Variants in EPHA6 observed in about 807,000 individuals in gnomAD.
EPHA6 encodes EPH receptor A6, also known as ephrin type-A receptor 6.
EPHA6 carries 50 observed loss-of-function variants against 112.0 expected under a neutral mutation model. That is an observed-to-expected ratio of 0.45 (90% CI 0.36 to 0.56). The LOEUF is 0.56. Among genes scored for constraint, EPHA6 ranks in the 20% least tolerant of loss-of-function variants. The probability of loss-of-function intolerance (pLI) is 0.00; values close to 1 mark genes in which losing one functional copy is unlikely to be tolerated. For missense variants in EPHA6, 1,280 were observed against 1,417.4 expected (o/e 0.90, Z 1.56); for synonymous variants, 529 against 490.7 (o/e 1.08, Z -1.03).
chr3:97,622,088 A>C (rs1015379255), intron 13 of EPHA6, among the ~76,000 whole-genome samples: 2 of 151,822 alleles, frequency 1.3e-5, no homozygotes, highest in Non-Finnish European at 1.5e-5. Flanking sequence ...TACCATCTTA[A>C]CCATTTTTAA....
At chr3:97,499,232 G>A (rs956768993) in intron 10 of EPHA6, among the ~76,000 whole-genome samples, 1 of 151,986 alleles carries the variant, frequency 6.6e-6, no homozygotes, top group African/African-American at 2.4e-5. Flanking sequence ...GTTACTTATT[G>A]ACTTTCTGTT....
At chr3:97,291,089 G>T (rs867565319) in intron 5 of EPHA6, among the ~76,000 whole-genome samples, 1 of 151,918 alleles carries the variant, frequency 6.6e-6, no homozygotes, top group Non-Finnish European at 1.5e-5. Flanking sequence ...CATTTGTTTC[G>T]AGATGCTTTT....
chr3:96,920,691 A>G (rs1271723085), intron 2 of EPHA6, among the ~76,000 whole-genome samples: 1 of 152,006 alleles, frequency 6.6e-6, no homozygotes, highest in Non-Finnish European at 1.5e-5. Context: ...TAATATGTAT[A>G]TACATTTTAG....
intron 3 of EPHA6, among the ~76,000 whole-genome samples, chr3:97,048,656 TG>T (rs1373996564): frequency 6.6e-6 from 1 of 152,210 alleles, no homozygotes; most frequent in Non-Finnish European, 1.5e-5. Context: ...TCATTAGATC[TG>T]TAATATTTGT....
intron 3 of EPHA6, among the ~76,000 whole-genome samples, chr3:97,117,674 A>AT (rs556015885): frequency 8.6e-5 from 13 of 151,788 alleles, no homozygotes; most frequent in African/African-American, 2.9e-4. Flanking sequence ...TCTTTGGTCT[A>AT]TATGTCTGTT....
In EPHA6 at chr3:97,752,006, A is replaced by T. The variant is rs2035914275; in HGVS notation, c.*3305A>T. On this transcript the variant is annotated 3_prime_UTR_variant, in exon 18 of 18. Coordinates refer to ENST00000389672, the MANE Select transcript of EPHA6 (RefSeq NM_001080448.3). Reference sequence around the variant, plus strand: ...AGAGATAAAGTATTTAAATCATTTTAAAAAGCAATCAAATTGCAAAATTTT... The same window carrying T: ...AGAGATAAAGTATTTAAATCATTTTTAAAAGCAATCAAATTGCAAAATTTT... Among the ~76,000 whole-genome samples, 1 of 152,194 alleles carries T rather than the reference A, an allele frequency of 6.6e-6. No homozygotes were observed. Among genetic ancestry groups the T allele is most frequent in the South Asian group, 2.1e-4 (1 of 4,830 alleles).
At chr3:97,138,118 G>A (rs1259062999) in intron 3 of EPHA6, among the ~76,000 whole-genome samples, 3 of 152,156 alleles carry the variant, frequency 2.0e-5, no homozygotes, top group African/African-American at 7.2e-5. Context: ...CCAAGGAGTA[G>A]GTGAGTGAAG....
chr3:97,021,080 C>T (rs1241918707), intron 3 of EPHA6, among the ~76,000 whole-genome samples: 1 of 152,114 alleles, frequency 6.6e-6, no homozygotes, highest in Non-Finnish European at 1.5e-5. Context: ...GCCAGAGTGG[C>T]CAAACAGGTA....
rs370983824 is a variant in EPHA6, at chr3:96,987,951, A to C, written c.1072A>C (p.Ile358Leu). 10 of 1,613,522 alleles carry C rather than the reference A, an allele frequency of 6.2e-6. No homozygotes were observed. Among genetic ancestry groups the C allele is most frequent in the Non-Finnish European group, 8.5e-6 (10 of 1,179,586 alleles). The change falls in exon 3 of 18, where the codon ATC (isoleucine) becomes CTC (leucine). Residue 358 changes from isoleucine (I) to leucine (L), a missense_variant. Coordinates refer to ENST00000389672, the MANE Select transcript of EPHA6 (RefSeq NM_001080448.3). ...TTGGCTGGTTCCTCTTGGAAGGTGC[A>C]TCTGCAGTACAGGATATGAAGAAAT... ...GDWLVPLGRCICSTGYEEIEG... is the reference protein window; with the variant it reads ...GDWLVPLGRCLCSTGYEEIEG...
intron 10 of EPHA6, among the ~76,000 whole-genome samples, chr3:97,500,485 C>T (rs1444451652): frequency 1.3e-5 from 2 of 152,060 alleles, no homozygotes; most frequent in East Asian, 1.9e-4. Flanking sequence ...TACTTGTAAA[C>T]GACCAGATCT....
At chr3:97,214,560 A>C (rs1229170645) in intron 3 of EPHA6, among the ~76,000 whole-genome samples, 4 of 151,474 alleles carry the variant, frequency 2.6e-5, no homozygotes, top group Non-Finnish European at 5.9e-5. Context: ...TTTAATATAT[A>C]TCTTTCTCTA....
rs537223680 is a variant in EPHA6, at chr3:97,758,947, C to T, written c.*10246C>T. On this transcript the variant is annotated 3_prime_UTR_variant, in exon 18 of 18. Transcript: ENST00000389672. ...GCTACTGGAGTAATTCCAGCAAAAA[C>T]GTGGTGGATTCACTACTTCAAGATT... Among the ~76,000 whole-genome samples, 5 of 151,982 alleles carry T rather than the reference C, an allele frequency of 3.3e-5. No individual in the cohort carries two copies. Among genetic ancestry groups the T allele is most frequent in the East Asian group, 1.9e-4 (1 of 5,174 alleles).
At chr3:97,278,135 T>C (rs375631756) in intron 5 of EPHA6, among the ~76,000 whole-genome samples, 1 of 152,264 alleles carries the variant, frequency 6.6e-6, no homozygotes, top group African/African-American at 2.4e-5. Flanking sequence ...GGATGTTCAC[T>C]AAGCATGTTT....
chr3:97,602,672 G>A (rs1418498387), intron 12 of EPHA6, among the ~76,000 whole-genome samples: 3 of 151,992 alleles, frequency 2.0e-5, no homozygotes, highest in East Asian at 1.9e-4. Flanking sequence ...TCAATATGAG[G>A]ATTAAATGAG....
At chr3:97,423,649 C>T (rs1426596905) in intron 6 of EPHA6, among the ~76,000 whole-genome samples, 1 of 151,968 alleles carries the variant, frequency 6.6e-6, no homozygotes, top group Non-Finnish European at 1.5e-5. Context: ...TAGAAAAAAC[C>T]TTTCTAAAAT....
chr3:97,521,924 A>G (rs1031276322), intron 10 of EPHA6, among the ~76,000 whole-genome samples: 2 of 76,266 alleles, frequency 2.6e-5, no homozygotes, highest in East Asian at 5.8e-4. Flanking sequence ...AGCCTTTTTC[A>G]AAAAAAAAAA....
At chr3:97,063,098 G>A (rs903910732) in intron 3 of EPHA6, among the ~76,000 whole-genome samples, 7 of 152,110 alleles carry the variant, frequency 4.6e-5, no homozygotes, top group East Asian at 1.9e-4. Flanking sequence ...ATACACTGTC[G>A]GTGGGAGTAT....
chr3:97,615,566 G>A lies in EPHA6; in HGVS notation c.2574+4712G>A, dbSNP rs11718572. On this transcript the variant is annotated intron_variant, in intron 13 of 17. Transcript: ENST00000389672. ...CTGGTGACATTGTTGTACCTACCTG[G>A]GACAGGATAGAGTTCCTGGGGGGAG... 7.4e-3 allele frequency among the ~76,000 whole-genome samples: 1,133 copies of A among 152,198 alleles called. 18 individuals are homozygous for A. Among genetic ancestry groups the A allele is most frequent in the Admixed American group, 8.1e-3 (123 of 15,278 alleles).
chr3:97,638,392 A>C (rs1250844133), intron 14 of EPHA6, among the ~76,000 whole-genome samples: 1 of 152,150 alleles, frequency 6.6e-6, no homozygotes, highest in African/African-American at 2.4e-5. Flanking sequence ...TTGATGATTT[A>C]ATAATTTTAT....
Sources: allele counts gnomAD v4.1 joint callset (sites outside exome capture counted in the v4.1 genomes callset), GRCh38; gene constraint gnomAD v4.1.1; transcripts MANE v1.5; gene names NCBI Gene and HGNC (gene_info 2026-07-23, HGNC 2026-07-21).